Variants in P4HA3 observed in about 807,000 individuals in gnomAD.
P4HA3 encodes prolyl 4-hydroxylase subunit alpha-3.
P4HA3 carries 60 observed loss-of-function variants against 66.7 expected under a neutral mutation model. That is an observed-to-expected ratio of 0.90 (90% CI 0.73 to 1.12). The LOEUF is 1.12. Ranked by LOEUF, P4HA3 falls within the 50% of genes most tolerant of loss-of-function variation. The pLI, the probability that P4HA3 is intolerant of heterozygous loss-of-function variation, is 0.00. For synonymous variants in P4HA3, 263 were observed against 274.6 expected (o/e 0.96, Z 0.42); for missense variants, 683 against 685.8 (o/e 1.00, Z 0.05).
intron 4 of P4HA3, among the ~76,000 whole-genome samples, chr11:74,297,388 C>T (rs988192340): frequency 2.6e-5 from 4 of 152,116 alleles, no homozygotes; most frequent in African/African-American, 4.8e-5. Flanking sequence ...TCCTCCTCCC[C>T]TTTCTCAAGA....
intron 7 of P4HA3, among the ~76,000 whole-genome samples, chr11:74,279,816 G>C (rs1321125763): frequency 6.6e-6 from 1 of 152,048 alleles, no homozygotes; most frequent in Non-Finnish European, 1.5e-5. Context: ...TGTTTCCCAG[G>C]GTCAGGCACA....
intron 1 of P4HA3, among the ~76,000 whole-genome samples, chr11:74,307,287 A>G (rs1421076705): frequency 6.6e-6 from 1 of 152,218 alleles, no homozygotes; most frequent in Non-Finnish European, 1.5e-5. Context: ...CAGATTCCTC[A>G]TTAGCTTGAG....
chr11:74,303,797 T>C (rs1219018339), intron 2 of P4HA3, among the ~76,000 whole-genome samples: 1 of 151,806 alleles, frequency 6.6e-6, no homozygotes. Flanking sequence ...TTGGTTAGGC[T>C]GGTCTGGAAC....
chr11:74,290,323 C>A (rs2134779880), intron 4 of P4HA3, among the ~76,000 whole-genome samples: 1 of 152,108 alleles, frequency 6.6e-6, no homozygotes, highest in Admixed American at 6.5e-5. Flanking sequence ...TGTTTGAGTT[C>A]ATTGTAGATT....
At chr11:74,259,235 C>T (rs866954434) in intron 15 of P4HA3, among the ~76,000 whole-genome samples, 8 of 152,046 alleles carry the variant, frequency 5.3e-5, no homozygotes, top group Non-Finnish European at 8.8e-5. Context: ...AAAAATTAGC[C>T]GGGTGTGGTG....
At chr11:74,255,626 C>T (rs1859814164) in intron 15 of P4HA3, among the ~76,000 whole-genome samples, 2 of 152,314 alleles carry the variant, frequency 1.3e-5, no homozygotes, top group Admixed American at 6.5e-5. Flanking sequence ...CACTAACTGG[C>T]ACATGGTAAG....
At chr11:74,287,350 G>A in intron 5 of P4HA3, 1 of 1,278,936 alleles carries the variant, frequency 7.8e-7, no homozygotes. Context: ...AAGAGAAGAA[G>A]TGAAGTTTTG....
intron 15 of P4HA3, chr11:74,253,628 G>A (rs1346296456): frequency 1.1e-5 from 13 of 1,160,698 alleles, no homozygotes; most frequent in African/African-American, 3.0e-5. Flanking sequence ...ACTGGCTCCC[G>A]GTAGACGGGC....
At chr11:74,268,439 T>C (rs1169664923) in intron 11 of P4HA3, among the ~76,000 whole-genome samples, 198 bp from the exon 12 acceptor site, 1 of 152,246 alleles carries the variant, frequency 6.6e-6, no homozygotes, top group Non-Finnish European at 1.5e-5. Context: ...CAGAGTCCCC[T>C]GCACCCCAGG....
chr11:74,266,214 G>A (rs1859988812), downstream of P4HA3, among the ~76,000 whole-genome samples: 3 of 152,204 alleles, frequency 2.0e-5, no homozygotes, highest in South Asian at 6.3e-4. Context: ...GAGCTGCACC[G>A]AGATTACAGC....
chr11:74,274,269 C>T lies in P4HA3; in HGVS notation c.1336-662G>A, dbSNP rs1338503527. Reference sequence around the variant, plus strand: ...GTTTATCCGTTCACCTGTTGACAGACATCTGGGCTGTTTCCAATTCTTGGT... The same window carrying T: ...GTTTATCCGTTCACCTGTTGACAGATATCTGGGCTGTTTCCAATTCTTGGT... On this transcript the variant is annotated intron_variant, in intron 9 of 12. Transcript: ENST00000331597. Among the ~76,000 whole-genome samples, 3 of 151,392 alleles carry T rather than the reference C, an allele frequency of 2.0e-5. No individual in the cohort carries two copies. The East Asian group carries it at 5.8e-4, about 29-fold the overall frequency.
intron 12 of P4HA3, 40 bp downstream of exon 12, chr11:74,268,105 C>T (rs1860052911): frequency 1.9e-6 from 3 of 1,563,256 alleles, no homozygotes; most frequent in African/African-American, 1.4e-5. Context: ...CTACTCTGCA[C>T]CCTGTACCCC....
At chr11:74,256,267 AC>A (rs1205231041) in intron 15 of P4HA3, among the ~76,000 whole-genome samples, 2 of 152,202 alleles carry the variant, frequency 1.3e-5, no homozygotes, top group Admixed American at 1.3e-4. Flanking sequence ...AAGGAGGATG[AC>A]CGTGGAGATG....
At chr11:74,301,086 G>C (rs1012528751) in intron 3 of P4HA3, among the ~76,000 whole-genome samples, 1 of 152,134 alleles carries the variant, frequency 6.6e-6, no homozygotes, top group Non-Finnish European at 1.5e-5. Flanking sequence ...GAAGGGATGG[G>C]GGGTGGCGAG....
downstream of P4HA3, among the ~76,000 whole-genome samples, chr11:74,262,135 C>T (rs188528974): frequency 2.1e-4 from 32 of 152,278 alleles, no homozygotes; most frequent in East Asian, 6.0e-3. Context: ...CTATGGGGCT[C>T]CATCTGAGCG....
At chr11:74,268,541 G>C (rs983034081) in intron 11 of P4HA3, among the ~76,000 whole-genome samples, 1 of 152,236 alleles carries the variant, frequency 6.6e-6, no homozygotes, top group South Asian at 2.1e-4. Context: ...AGACAGCATG[G>C]TGAGTTCTGG....
At chr11:74,255,618 CT>C (rs111644471) in intron 15 of P4HA3, among the ~76,000 whole-genome samples, 15,625 of 152,248 alleles carry the variant, frequency 0.1, 2,232 homozygotes, top group African/African-American at 0.32. Context: ...GGCTTTCTCA[CT>C]AACTGGCACA....
chr11:74,309,021 C>T (rs899685259), intron 1 of P4HA3, among the ~76,000 whole-genome samples: 7 of 152,188 alleles, frequency 4.6e-5, no homozygotes, highest in Admixed American at 1.3e-4. Context: ...CCACCATGTA[C>T]TGTGGCCACT....
intron 3 of P4HA3, among the ~76,000 whole-genome samples, chr11:74,299,832 T>C (rs1861349444): frequency 6.6e-6 from 1 of 152,134 alleles, no homozygotes; most frequent in African/African-American, 2.4e-5. Flanking sequence ...AATGCCCATA[T>C]GAGGATAGAA....
Sources: gnomAD v4.1 joint callset for allele counts (sites outside exome capture counted in the v4.1 genomes callset) on GRCh38, gnomAD v4.1.1 for gene constraint, MANE v1.5 for transcripts, NCBI Gene and HGNC (gene_info 2026-07-23, HGNC 2026-07-21) for gene names.